ERI1: variants seen among roughly 807,000 people sequenced by gnomAD.
The protein encoded by ERI1 is exoribonuclease 1, also known as 3'-5' exoribonuclease 1.
Under a neutral mutation model 39.7 loss-of-function variants are expected in ERI1, and 39 were observed. That is an observed-to-expected ratio of 0.98 (90% CI 0.76 to 1.28). The LOEUF is 1.28. Among genes scored for constraint, ERI1 ranks in the 50% most tolerant of loss-of-function variants. ERI1 has a pLI of 0.00. For synonymous variants in ERI1, 204 were observed against 149.6 expected, an observed-to-expected ratio of 1.36 and a Z score of -2.65; for missense variants, 581 against 416.9, an observed-to-expected ratio of 1.39 and a Z score of -3.43.
chr8:9,063,534 G>C (rs1286539991), intron 3 of ERI1, among the ~76,000 whole-genome samples: 1 of 152,100 alleles, frequency 6.6e-6, no homozygotes, highest in South Asian at 2.1e-4. Context: ...GAGGGGAGAG[G>C]TCAGATGGGT....
intron 3 of ERI1, among the ~76,000 whole-genome samples, chr8:9,013,268 G>A (rs1816863986): frequency 6.7e-6 from 1 of 150,116 alleles, no homozygotes; most frequent in Non-Finnish European, 1.5e-5. Flanking sequence ...ACCTGCCTCA[G>A]GTTCCCCAAG....
intron 6 of ERI1, among the ~76,000 whole-genome samples, chr8:9,023,607 T>G (rs1818153804): frequency 6.6e-6 from 1 of 152,044 alleles, no homozygotes; most frequent in African/African-American, 2.4e-5. Context: ...GGTTTTCCCC[T>G]CTTCGTAATA....
chr8:9,084,440 A>G (rs1357087420), intron 3 of ERI1, among the ~76,000 whole-genome samples: 1 of 152,066 alleles, frequency 6.6e-6, no homozygotes, highest in Non-Finnish European at 1.5e-5. Flanking sequence ...AAACCTGAAC[A>G]TTGGTTGCCC....
At chr8:9,072,605 C>T (rs1471141819) in intron 3 of ERI1, 2 of 151,820 alleles carry the variant, frequency 1.3e-5, no homozygotes, top group Non-Finnish European at 2.9e-5. Context: ...CCCTCAGAAA[C>T]AACTAATCTA....
rs34870760 is a variant in ERI1, at chr8:9,067,923, TACAC to T, written n.299+47477_299+47480del. ...TGAGCACAGAGAGTTATGCTACAAA[TACAC>T]ACACACACACACACACATATATGTA... On this transcript the variant is annotated intron_variant and non_coding_transcript_variant, in intron 3 of 3. Coordinates refer to the ERI1 transcript ENST00000518663. Among the ~76,000 whole-genome samples the T allele has an allele frequency of 1.8e-3, 264 of 149,818 alleles. 1 individual carries two copies. Among genetic ancestry groups the T allele is most frequent in the Non-Finnish European group, 2.9e-3 (193 of 67,460 alleles).
chr8:9,084,566 CCTT>C (rs1799468185), intron 3 of ERI1, among the ~76,000 whole-genome samples: 1 of 152,280 alleles, frequency 6.6e-6, no homozygotes, highest in African/African-American at 2.4e-5. Context: ...GAAAGTCAGA[CCTT>C]CTTGCTGCAA....
At chr8:9,087,433 TTTG>T (rs1212293536) in intron 3 of ERI1, among the ~76,000 whole-genome samples, 6 of 53,552 alleles carry the variant, frequency 1.1e-4, no homozygotes, top group Admixed American at 2.1e-4. Flanking sequence ...TTTTTTTTTT[TTTG>T]ATTTTTAGTA....
intron 1 of ERI1, among the ~76,000 whole-genome samples, chr8:9,005,858 C>T (rs1478020705): frequency 6.6e-6 from 1 of 152,216 alleles, no homozygotes; most frequent in African/African-American, 2.4e-5. Flanking sequence ...AGAAGATTTT[C>T]ATGGCCACAT....
intron 3 of ERI1, among the ~76,000 whole-genome samples, chr8:9,051,125 C>G (rs1798341601): frequency 6.6e-6 from 1 of 151,302 alleles, no homozygotes. Flanking sequence ...ATTACTTTCC[C>G]ATAGGGAATT....
chr8:9,013,156 A>G (rs1028855659), intron 3 of ERI1, among the ~76,000 whole-genome samples: 4 of 151,916 alleles, frequency 2.6e-5, no homozygotes, highest in African/African-American at 9.7e-5. Context: ...CTGGGAATAC[A>G]GGTGTGTGTC....
intron 1 of ERI1, chr8:9,004,011 G>A: frequency 8.8e-7 from 1 of 1,129,978 alleles, no homozygotes; most frequent in Non-Finnish European, 1.2e-6. Context: ...CTGCTCTGCG[G>A]GGTCGGGTGC....
At chr8:9,028,991 T>C (rs1284967469) in intron 6 of ERI1, among the ~76,000 whole-genome samples, 2 of 150,502 alleles carry the variant, frequency 1.3e-5, no homozygotes, top group Non-Finnish European at 3.0e-5. Context: ...TTTTTTTTTT[T>C]TTTTTTAACT....
At chr8:9,039,009 T>G (rs2117340072) in intron 3 of ERI1, among the ~76,000 whole-genome samples, 1 of 152,352 alleles carries the variant, frequency 6.6e-6, no homozygotes, top group South Asian at 2.1e-4. Context: ...ATTAGTTTCT[T>G]GTTTATTTTT....
intron 3 of ERI1, among the ~76,000 whole-genome samples, chr8:9,057,054 A>G (rs952973433): frequency 3.3e-5 from 5 of 152,046 alleles, no homozygotes; most frequent in African/African-American, 1.2e-4. Flanking sequence ...GCTGATCTGA[A>G]ACTCCTGACC....
chr8:9,074,055 G>A (rs1799134339), intron 3 of ERI1, among the ~76,000 whole-genome samples: 1 of 151,944 alleles, frequency 6.6e-6, no homozygotes, highest in African/African-American at 2.4e-5. Context: ...CAAAATGCTG[G>A]GATTACAGGT....
chr8:9,079,201 A>T (rs1337024114), intron 3 of ERI1, among the ~76,000 whole-genome samples: 1 of 152,230 alleles, frequency 6.6e-6, no homozygotes, highest in Non-Finnish European at 1.5e-5. Context: ...AATTGCTGAC[A>T]GCAGGCCTTT....
chr8:9,019,712 A>G (rs972794189), intron 5 of ERI1, among the ~76,000 whole-genome samples: 1 of 152,218 alleles, frequency 6.6e-6, no homozygotes, highest in Non-Finnish European at 1.5e-5. Context: ...TATAGTTGAC[A>G]GTATTATAAG....
chr8:9,055,658 A>C (rs1270984018), intron 3 of ERI1, among the ~76,000 whole-genome samples: 1 of 151,614 alleles, frequency 6.6e-6, no homozygotes, highest in African/African-American at 2.4e-5. Flanking sequence ...TGGTGCCTCA[A>C]CCTCCTGAGT....
At chr8:9,074,496 C>T (rs775982799) in intron 3 of ERI1, among the ~76,000 whole-genome samples, 3 of 152,132 alleles carry the variant, frequency 2.0e-5, no homozygotes, top group Non-Finnish European at 4.4e-5. Context: ...GGCTGGAGTG[C>T]AGTGGCAAGA....
Sources: gnomAD v4.1 joint callset for allele counts (sites outside exome capture counted in the v4.1 genomes callset) on GRCh38, gnomAD v4.1.1 for gene constraint, MANE v1.5 for transcripts, NCBI Gene and HGNC (gene_info 2026-07-23, HGNC 2026-07-21) for gene names.